ATP8A2: variants seen among roughly 807,000 people sequenced by gnomAD.
The protein encoded by ATP8A2 is ATPase phospholipid transporting 8A2.
A neutral mutation model predicts 165.6 loss-of-function variants in ATP8A2; 100 were observed. The observed-to-expected ratio is 0.60, with a 90% CI of 0.51 to 0.71. ATP8A2 has a LOEUF of 0.71. ATP8A2 is among the 30% of genes least tolerant of loss of function. The pLI, the probability that ATP8A2 is intolerant of heterozygous loss-of-function variation, is 0.00. For missense variants in ATP8A2, 1,227 were observed against 1,479.5 expected, an observed-to-expected ratio of 0.83 and a Z score of 2.80; for synonymous variants, 543 against 548.8, an observed-to-expected ratio of 0.99 and a Z score of 0.15.
chr13:25,743,173 C>T (rs1026679304), intron 25 of ATP8A2, among the ~76,000 whole-genome samples: 1 of 151,950 alleles, frequency 6.6e-6, no homozygotes, highest in Non-Finnish European at 1.5e-5. Context: ...GACACAGGCA[C>T]ACAGGAAGAA....
At chr13:25,959,142 T>C (rs1955598952) in intron 33 of ATP8A2, among the ~76,000 whole-genome samples, 1 of 152,240 alleles carries the variant, frequency 6.6e-6, no homozygotes, top group South Asian at 2.1e-4. Flanking sequence ...CTGTTTACCC[T>C]GCAGGCAGGA....
intron 27 of ATP8A2, among the ~76,000 whole-genome samples, chr13:25,803,474 A>G (rs1017845372): frequency 6.6e-6 from 1 of 152,198 alleles, no homozygotes; most frequent in African/African-American, 2.4e-5. Context: ...AAAAATATAT[A>G]TGTATATTAT....
intron 25 of ATP8A2, among the ~76,000 whole-genome samples, chr13:25,713,782 G>A (rs1408439333): frequency 6.6e-6 from 1 of 151,652 alleles, no homozygotes; most frequent in Non-Finnish European, 1.5e-5. Context: ...CCATGTTCTG[G>A]GTCCTGGGGA....
intron 25 of ATP8A2, among the ~76,000 whole-genome samples, chr13:25,736,963 G>A (rs529395703): frequency 2.6e-5 from 4 of 152,302 alleles, no homozygotes; most frequent in East Asian, 1.9e-4. Flanking sequence ...GTTAGGGAGG[G>A]TGCATGTGTT....
chr13:25,421,369 C>G (rs1342956530), intron 1 of ATP8A2, among the ~76,000 whole-genome samples: 1 of 152,212 alleles, frequency 6.6e-6, no homozygotes, highest in Non-Finnish European at 1.5e-5. Flanking sequence ...GGGTCTCTCT[C>G]TGTTGCCCAG....
intron 1 of ATP8A2, among the ~76,000 whole-genome samples, chr13:25,376,023 C>A (rs2032613429): frequency 6.6e-6 from 1 of 152,080 alleles, no homozygotes; most frequent in Non-Finnish European, 1.5e-5. Context: ...GGAGGAGAAT[C>A]AGGGCAGCTG....
At chr13:25,549,866 T>C (rs1377774875) in intron 10 of ATP8A2, among the ~76,000 whole-genome samples, 2 of 152,106 alleles carry the variant, frequency 1.3e-5, no homozygotes, top group African/African-American at 4.8e-5. Flanking sequence ...ACCTCTCCCT[T>C]TGAGCACAAT....
chr13:25,402,582 A>G (rs1369521302), intron 1 of ATP8A2, among the ~76,000 whole-genome samples: 1 of 152,246 alleles, frequency 6.6e-6, no homozygotes, highest in Admixed American at 6.5e-5. Context: ...TTGCCTGTTC[A>G]GCAGGGTATA....
chr13:25,860,582 G>A (rs1952318348), intron 31 of ATP8A2, among the ~76,000 whole-genome samples: 1 of 152,172 alleles, frequency 6.6e-6, no homozygotes, highest in South Asian at 2.1e-4. Context: ...TATTATTTAT[G>A]AGAAAGACTG....
chr13:25,514,560 C>T lies in ATP8A2; in HGVS notation c.222-15439C>T, dbSNP rs149536085. 4.4e-3 allele frequency among the ~76,000 whole-genome samples: 671 copies of T among 152,256 alleles called. 6 individuals carry two copies. The highest frequency in any genetic ancestry group is 0.015 in the African/African-American group (634 of 41,544). ...GGAATACTCCTGGCTGTGGGTGTAG[C>T]AGCCTGGCTGTGTAAGATTTTGGTG... On this transcript the variant is annotated intron_variant, in intron 2 of 36. Coordinates refer to ENST00000381655, the MANE Select transcript of ATP8A2 (RefSeq NM_016529.6).
At chr13:25,966,400 C>T (rs2139202032) in intron 34 of ATP8A2, among the ~76,000 whole-genome samples, 1 of 152,328 alleles carries the variant, frequency 6.6e-6, no homozygotes, top group South Asian at 2.1e-4. Context: ...AGACCACTCA[C>T]ATGTAGCCTT....
At chr13:25,850,417 C>T (rs1378478540) in intron 30 of ATP8A2, among the ~76,000 whole-genome samples, 1 of 149,792 alleles carries the variant, frequency 6.7e-6, no homozygotes, top group Non-Finnish European at 1.5e-5. Flanking sequence ...TCCACCTCCG[C>T]GCCCAATACA....
chr13:25,831,888 A>C (rs750768441), intron 28 of ATP8A2, among the ~76,000 whole-genome samples: 11 of 151,962 alleles, frequency 7.2e-5, no homozygotes, highest in Non-Finnish European at 1.5e-4. Flanking sequence ...CTAAGTAATG[A>C]ATGAATGCTG....
intron 2 of ATP8A2, among the ~76,000 whole-genome samples, chr13:25,508,733 G>A (rs1388534634): frequency 6.6e-6 from 1 of 152,216 alleles, no homozygotes; most frequent in East Asian, 1.9e-4. Flanking sequence ...ATTAGATGAT[G>A]CATATATCCA....
chr13:25,523,848 T>A (rs943700369), intron 2 of ATP8A2, among the ~76,000 whole-genome samples: 2 of 152,096 alleles, frequency 1.3e-5, no homozygotes, highest in Non-Finnish European at 2.9e-5. Flanking sequence ...CTTTTTTTAG[T>A]CTCAATTTTA....
chr13:25,566,157 C>T (rs1463756024), intron 16 of ATP8A2, among the ~76,000 whole-genome samples: 3 of 151,954 alleles, frequency 2.0e-5, no homozygotes, highest in Admixed American at 6.6e-5. Context: ...GTATAAGGCT[C>T]GCACACCCAC....
intron 33 of ATP8A2, chr13:25,927,383 T>C (rs1206292708): frequency 2.8e-6 from 1 of 353,042 alleles, no homozygotes; most frequent in East Asian, 7.4e-5. Context: ...CCCCAAATGA[T>C]TCCCAATCTC....
chr13:25,552,234 G>T (rs1462274432), intron 11 of ATP8A2, among the ~76,000 whole-genome samples: 2 of 152,076 alleles, frequency 1.3e-5, no homozygotes, highest in East Asian at 3.9e-4. Flanking sequence ...CAATCTACCC[G>T]CCTCGGCCTC....
At chr13:25,439,910 A>G (rs1327272604) in intron 1 of ATP8A2, among the ~76,000 whole-genome samples, 1 of 150,874 alleles carries the variant, frequency 6.6e-6, no homozygotes, top group African/African-American at 2.4e-5. Context: ...CTGTCTATAA[A>G]AAAAAAAAAA....
Sources: allele counts gnomAD v4.1 joint callset (sites outside exome capture counted in the v4.1 genomes callset), GRCh38; gene constraint gnomAD v4.1.1; transcripts MANE v1.5; gene names NCBI Gene and HGNC (gene_info 2026-07-23, HGNC 2026-07-21).